TIAM1: variants seen among roughly 807,000 people sequenced by gnomAD.
The protein encoded by TIAM1 is TIAM Rac1 associated GEF 1.
Under a neutral mutation model 163.5 loss-of-function variants are expected in TIAM1, and 65 were observed. That is an observed-to-expected ratio of 0.40 (90% confidence interval 0.33 to 0.49). The LOEUF is 0.49. Ranked by LOEUF, TIAM1 falls within the 20% of genes least tolerant of loss-of-function variation. TIAM1 has a pLI of 0.77. For synonymous variants in TIAM1, 833 were observed against 810.1 expected (o/e 1.03, Z -0.48); for missense variants, 1,789 against 2,044.7 (o/e 0.87, Z 2.41).
At position 31,478,925 on chromosome 21, in the gene TIAM1, G is replaced by A. The variant is rs144838476; in HGVS notation, c.-421-14890C>T. 1.0e-3 allele frequency among the ~76,000 whole-genome samples: 152 copies of A among 152,278 alleles called. 1 individual carries two copies. Among genetic ancestry groups the A allele is most frequent in the African/African-American group, 3.0e-3 (125 of 41,574 alleles). On this transcript the variant is annotated intron_variant, in intron 1 of 28. Transcript: ENST00000286827. ...GAGATAAATGAAATCCAGAAACATC[G>A]AAGACTCAAGAAATATTAAGAGCCA... is the stretch of plus-strand genomic sequence containing the variant.
chr21:31,425,756 G>A (rs1418083561), intron 2 of TIAM1, among the ~76,000 whole-genome samples: 1 of 151,220 alleles, frequency 6.6e-6, no homozygotes, highest in East Asian at 2.0e-4. Context: ...GGTTGCAATG[G>A]CGAGATCTCA....
At chr21:31,553,278 G>C (rs1472592945) in intron 1 of TIAM1, among the ~76,000 whole-genome samples, 1 of 152,204 alleles carries the variant, frequency 6.6e-6, no homozygotes, top group Non-Finnish European at 1.5e-5. Context: ...GTGGTTATCA[G>C]TACCCAGGTA....
At chr21:31,503,613 G>GGGGAGAGGAGTGGAAGGGAGGGGAGA (rs2046934292) in intron 1 of TIAM1, among the ~76,000 whole-genome samples, 2 of 116,682 alleles carry the variant, frequency 1.7e-5, no homozygotes, top group Non-Finnish European at 3.7e-5. Context: ...GGGGAGGGGA[G>GGGGAGAGGAGTGGAAGGGAGGGGAGA]GGACCTGAAA....
At chr21:31,327,255 C>T (rs1392737974) in intron 2 of TIAM1, among the ~76,000 whole-genome samples, 5 of 152,166 alleles carry the variant, frequency 3.3e-5, no homozygotes, top group African/African-American at 1.2e-4. Context: ...TATCTTCAAG[C>T]ATTTTTTAGC....
chr21:31,553,277 A>G (rs2048755530), intron 1 of TIAM1, among the ~76,000 whole-genome samples: 1 of 152,228 alleles, frequency 6.6e-6, no homozygotes, highest in Non-Finnish European at 1.5e-5. Flanking sequence ...TGTGGTTATC[A>G]GTACCCAGGT....
At position 31,304,280 on chromosome 21, in the gene TIAM1, T is replaced by A. The variant is rs529912496; in HGVS notation, c.-188-27372A>T. Among the ~76,000 whole-genome samples, 10 of 152,164 alleles carry A rather than the reference T, an allele frequency of 6.6e-5. No homozygotes were observed. In the South Asian group the frequency reaches 2.1e-3, roughly 32 times the overall value. ...ATGGTAAATATAGCAACCATGCAAA[T>A]AATGTGTAGCTAGAGGGAAGGAAAA... On this transcript the variant is annotated intron_variant, in intron 2 of 27. Coordinates refer to ENST00000541036, the MANE Select transcript of TIAM1 (RefSeq NM_001353694.2).
chr21:31,317,586 C>G (rs563381373), intron 2 of TIAM1, among the ~76,000 whole-genome samples: 147 of 152,318 alleles, frequency 9.7e-4, no homozygotes, highest in African/African-American at 3.4e-3. Flanking sequence ...TTGAGACTAC[C>G]CTGGCCAACA....
At chr21:31,442,483 T>A (rs1249324748) in intron 2 of TIAM1, among the ~76,000 whole-genome samples, 3 of 152,038 alleles carry the variant, frequency 2.0e-5, no homozygotes, top group Non-Finnish European at 4.4e-5. Context: ...TCTGCCTGCC[T>A]CCGCCTCCCA....
At chr21:31,534,268 A>T (rs184519686) in intron 1 of TIAM1, among the ~76,000 whole-genome samples, 1 of 152,242 alleles carries the variant, frequency 6.6e-6, no homozygotes, top group Non-Finnish European at 1.5e-5. Flanking sequence ...ATGCCTTATT[A>T]AAAAGTCATT....
At chr21:31,285,512 C>T (rs780402252) in intron 2 of TIAM1, among the ~76,000 whole-genome samples, 9 of 152,228 alleles carry the variant, frequency 5.9e-5, no homozygotes, top group Non-Finnish European at 5.9e-5. Context: ...GCTGTCTCTG[C>T]TGCTGTTGCA....
At chr21:31,546,527 G>T (rs1401844170) in intron 1 of TIAM1, among the ~76,000 whole-genome samples, 2 of 132,376 alleles carry the variant, frequency 1.5e-5, no homozygotes, top group Non-Finnish European at 3.2e-5. Context: ...TCCAGCCTGG[G>T]TGACAGAGCA....
chr21:31,243,147 G>T (rs1472914309), intron 6 of TIAM1, among the ~76,000 whole-genome samples: 2 of 138,282 alleles, frequency 1.4e-5, no homozygotes, highest in Non-Finnish European at 3.0e-5. Flanking sequence ...AGCTGAGATT[G>T]TGCCATTGCA....
intron 11 of TIAM1, among the ~76,000 whole-genome samples, chr21:31,209,303 C>T (rs138941602): frequency 9.8e-4 from 150 of 152,330 alleles, no homozygotes; most frequent in African/African-American, 3.4e-3. Context: ...TAAAAACAAG[C>T]ATGCAAGTAA....
chr21:31,187,087 C>A lies in TIAM1; in HGVS notation c.2576G>T (p.Gly859Val), dbSNP rs1218411676. ...TTCTTCCACAGAAGAAAGTGAAAACCCTGTGAAACACAAAAAGACAGAATG... is the reference window on the plus strand; with the variant it reads ...TTCTTCCACAGAAGAAAGTGAAAACACTGTGAAACACAAAAAGACAGAATG... Reference protein sequence around the residue: ...EKSDTAADTYGFSLSSVEEDG... With the variant: ...EKSDTAADTYVFSLSSVEEDG... Residue 859 changes from glycine to valine, a missense_variant and splice_region_variant, in exon 14 of 28, where the codon GGG becomes GTG. Coordinates refer to ENST00000541036, the MANE Select transcript of TIAM1 (RefSeq NM_001353694.2). 6.2e-7 allele frequency: 1 copy of A among 1,613,956 alleles called. No homozygotes were observed. Among genetic ancestry groups the A allele is most frequent in the East Asian group, 2.2e-5 (1 of 44,860 alleles).
intron 2 of TIAM1, among the ~76,000 whole-genome samples, chr21:31,385,448 T>C (rs968743307): frequency 1.3e-5 from 2 of 151,912 alleles, no homozygotes; most frequent in African/African-American, 4.8e-5. Context: ...GGGTCAAGGG[T>C]CCCAAGGCAT....
At chr21:31,432,701 G>T (rs1217460085) in intron 2 of TIAM1, among the ~76,000 whole-genome samples, 1 of 152,194 alleles carries the variant, frequency 6.6e-6, no homozygotes, top group Non-Finnish European at 1.5e-5. Flanking sequence ...AAACACAGGG[G>T]TGTTAAAATA....
intron 1 of TIAM1, among the ~76,000 whole-genome samples, chr21:31,498,757 C>T (rs2046749765): frequency 6.6e-6 from 1 of 151,716 alleles, no homozygotes; most frequent in South Asian, 2.1e-4. Context: ...ACCAGCCTGG[C>T]CAACATGGTG....
At chr21:31,451,780 AGAG>A (rs2044868493) in intron 2 of TIAM1, among the ~76,000 whole-genome samples, 1 of 151,918 alleles carries the variant, frequency 6.6e-6, no homozygotes, top group Non-Finnish European at 1.5e-5. Flanking sequence ...AGAGAGAGAG[AGAG>A]AGAGAGATAA....
intron 1 of TIAM1, among the ~76,000 whole-genome samples, chr21:31,558,317 T>C (rs1216466467): frequency 1.3e-5 from 2 of 152,018 alleles, no homozygotes; most frequent in Non-Finnish European, 2.9e-5. Context: ...ATTCCGCTTT[T>C]AATGCCCCCC....
Sources: allele counts gnomAD v4.1 joint callset (sites outside exome capture counted in the v4.1 genomes callset), GRCh38; gene constraint gnomAD v4.1.1; transcripts MANE v1.5; gene names NCBI Gene and HGNC (gene_info 2026-07-23, HGNC 2026-07-21).